The following LDLRAD3 variants were observed in gnomAD, a reference collection of about 807,000 sequenced individuals.
LDLRAD3 encodes the protein low density lipoprotein receptor class A domain containing 3.
In LDLRAD3, 20 loss-of-function variants were observed where a neutral mutation model predicts 29.4. The observed-to-expected ratio is 0.68, with a 90% confidence interval of 0.48 to 0.99. The LOEUF is 0.99. Among genes scored for constraint, LDLRAD3 ranks in the 50% least tolerant of loss-of-function variants. The probability of loss-of-function intolerance (pLI) is 0.00; values close to 1 mark genes in which losing one functional copy is unlikely to be tolerated. For synonymous variants in LDLRAD3, 157 were observed against 192.7 expected (o/e 0.81, Z 1.53); for missense variants, 420 against 454.3 (o/e 0.92, Z 0.69).
At chr11:36,099,417 G>C (rs778161419) in intron 4 of LDLRAD3, among the ~76,000 whole-genome samples, 1 of 152,304 alleles carries the variant, frequency 6.6e-6, no homozygotes, top group Middle Eastern at 3.4e-3. Flanking sequence ...GGTATCATCT[G>C]TATGTAATCT....
intron 4 of LDLRAD3, among the ~76,000 whole-genome samples, chr11:36,200,981 T>G (rs569024755): frequency 2.0e-5 from 3 of 152,182 alleles, no homozygotes; most frequent in Non-Finnish European, 2.9e-5. Flanking sequence ...ATAAAAGACC[T>G]GATGGGAACA....
intron 2 of LDLRAD3, among the ~76,000 whole-genome samples, chr11:36,036,528 C>T (rs1474267918): frequency 2.0e-5 from 3 of 152,172 alleles, no homozygotes; most frequent in African/African-American, 7.2e-5. Flanking sequence ...CCCATCCTTG[C>T]CTTCGCTTTA....
intron 2 of LDLRAD3, among the ~76,000 whole-genome samples, chr11:36,058,714 G>T (rs531170212): frequency 6.6e-6 from 1 of 152,298 alleles, no homozygotes; most frequent in African/African-American, 2.4e-5. Flanking sequence ...AGTCAGAGGT[G>T]ATTTTAACCC....
chr11:35,979,997 T>G (rs1851521328), intron 1 of LDLRAD3, among the ~76,000 whole-genome samples: 1 of 152,270 alleles, frequency 6.6e-6, no homozygotes, highest in Non-Finnish European at 1.5e-5. Flanking sequence ...TTAAGTGTTC[T>G]TGTCTTTAAA....
chr11:35,974,360 T>G (rs1037924074), intron 1 of LDLRAD3, among the ~76,000 whole-genome samples: 1 of 152,222 alleles, frequency 6.6e-6, no homozygotes, highest in Non-Finnish European at 1.5e-5. Flanking sequence ...CATTCATTCT[T>G]GCTCACTGAC....
intron 2 of LDLRAD3, among the ~76,000 whole-genome samples, chr11:36,049,627 G>A (rs904244261): frequency 6.6e-6 from 1 of 152,218 alleles, no homozygotes; most frequent in Admixed American, 6.5e-5. Context: ...CACATAAAAT[G>A]TAGGGAATGT....
intron 4 of LDLRAD3, among the ~76,000 whole-genome samples, chr11:36,215,516 C>A (rs184197916): frequency 6.6e-6 from 1 of 152,232 alleles, no homozygotes; most frequent in East Asian, 1.9e-4. Context: ...TGCAGAGTCC[C>A]GTTTGGCATC....
intron 2 of LDLRAD3, among the ~76,000 whole-genome samples, chr11:36,071,156 C>A (rs181386087): frequency 6.6e-6 from 1 of 152,284 alleles, no homozygotes; most frequent in African/African-American, 2.4e-5. Flanking sequence ...TAATAGAGCG[C>A]AGCAGCAGTT....
At chr11:36,017,327 C>T (rs916830560) in intron 1 of LDLRAD3, among the ~76,000 whole-genome samples, 1 of 152,174 alleles carries the variant, frequency 6.6e-6, no homozygotes, top group African/African-American at 2.4e-5. Context: ...CTCAAAACCT[C>T]TCATAATAAG....
At chr11:35,996,291 G>A (rs1292778681) in intron 1 of LDLRAD3, among the ~76,000 whole-genome samples, 3 of 152,150 alleles carry the variant, frequency 2.0e-5, no homozygotes, top group African/African-American at 7.2e-5. Context: ...AGGGAGGCCC[G>A]AGGAGAGGTA....
At chr11:36,221,309 C>T (rs12574173) in intron 4 of LDLRAD3, among the ~76,000 whole-genome samples, 9,984 of 150,702 alleles carry the variant, frequency 0.066, 413 homozygotes, top group East Asian at 0.18. Flanking sequence ...CAAGATCGTG[C>T]AGTAGCCAAG....
intron 4 of LDLRAD3, among the ~76,000 whole-genome samples, chr11:36,119,526 G>A (rs919741377): frequency 4.0e-5 from 6 of 151,138 alleles, no homozygotes; most frequent in Non-Finnish European, 7.4e-5. Context: ...TTTGAAGACA[G>A]CTATCCTAGT....
At chr11:36,156,325 A>G (rs1229742012) in intron 4 of LDLRAD3, among the ~76,000 whole-genome samples, 1 of 152,166 alleles carries the variant, frequency 6.6e-6, no homozygotes, top group Admixed American at 6.5e-5. Flanking sequence ...ACACATTGTC[A>G]CTGCAAACTC....
chr11:36,159,134 T>C lies in LDLRAD3; in HGVS notation c.454+60673T>C, dbSNP rs796465026. Among the ~76,000 whole-genome samples the C allele has an allele frequency of 1.3e-4, 20 of 152,272 alleles. 1 individual carries two copies. The highest frequency in any genetic ancestry group is 3.4e-3 in the Middle Eastern group (1 of 294). On this transcript the variant is annotated intron_variant, in intron 4 of 5. Coordinates refer to ENST00000315571, the MANE Select transcript of LDLRAD3 (RefSeq NM_174902.4). ...ATGAGGAAGAAGAAGAACAGTGAGA[T>C]AAGGAGATAGTGACAGTGATACATG...
chr11:36,183,380 G>C (rs1413014800), intron 4 of LDLRAD3, among the ~76,000 whole-genome samples: 3 of 152,164 alleles, frequency 2.0e-5, no homozygotes, highest in African/African-American at 7.2e-5. Flanking sequence ...TTCAAAATAT[G>C]TTTTGATTTT....
intron 4 of LDLRAD3, among the ~76,000 whole-genome samples, chr11:36,171,658 C>T (rs1190431880): frequency 6.6e-6 from 1 of 152,052 alleles, no homozygotes; most frequent in African/African-American, 2.4e-5. Context: ...TTCTGGGTTC[C>T]CTATTCTGTT....
chr11:36,167,596 G>A (rs550384767), intron 4 of LDLRAD3, among the ~76,000 whole-genome samples: 3 of 152,204 alleles, frequency 2.0e-5, no homozygotes, highest in African/African-American at 2.4e-5. Context: ...ATTACCAGAT[G>A]CATCTACAAG....
intron 4 of LDLRAD3, among the ~76,000 whole-genome samples, chr11:36,161,817 C>T (rs1854444490): frequency 6.6e-6 from 1 of 152,218 alleles, no homozygotes; most frequent in Admixed American, 6.5e-5. Context: ...CAAGCCCTTG[C>T]CTTAGTCAGC....
At chr11:36,207,431 G>A (rs1034154089) in intron 4 of LDLRAD3, among the ~76,000 whole-genome samples, 1 of 152,078 alleles carries the variant, frequency 6.6e-6, no homozygotes, top group African/African-American at 2.4e-5. Context: ...CAACACTTTG[G>A]GAAACAGAGG....
Sources: allele counts gnomAD v4.1 joint callset (sites outside exome capture counted in the v4.1 genomes callset), GRCh38; gene constraint gnomAD v4.1.1; transcripts MANE v1.5; gene names NCBI Gene and HGNC (gene_info 2026-07-23, HGNC 2026-07-21).